The following PRDM15 variants were observed in gnomAD, a reference collection of about 807,000 sequenced individuals.
PRDM15 encodes the protein PR domain zinc finger protein 15.
In PRDM15, 64 loss-of-function variants were observed where a neutral mutation model predicts 128.6. The observed-to-expected ratio is 0.50, with a 90% CI of 0.41 to 0.61. The LOEUF (loss-of-function observed/expected upper bound fraction) is 0.61. PRDM15 is among the 20% of genes least tolerant of loss of function. The pLI is 0.00. For missense variants in PRDM15, 1,242 were observed against 1,569.1 expected (o/e 0.79, Z 3.52); for synonymous variants, 615 against 621.8 (o/e 0.99, Z 0.16).
chr21:41,819,420 C>T (rs1039338474), intron 18 of PRDM15, among the ~76,000 whole-genome samples, 162 bp downstream of exon 18: 4 of 151,644 alleles, frequency 2.6e-5, no homozygotes, highest in Admixed American at 2.0e-4. Context: ...GTGGCCCTGG[C>T]GCCTGTACCC....
intron 5 of PRDM15, among the ~76,000 whole-genome samples, chr21:41,848,051 G>A (rs2063322177): frequency 6.6e-6 from 1 of 152,218 alleles, no homozygotes; most frequent in South Asian, 2.1e-4. Flanking sequence ...AGCTCTGGGG[G>A]CTGGCCCAGG....
chr21:41,816,807 G>A (rs1000412750), intron 18 of PRDM15, among the ~76,000 whole-genome samples: 1 of 152,098 alleles, frequency 6.6e-6, no homozygotes, highest in African/African-American at 2.4e-5. Flanking sequence ...ACAACTCCTG[G>A]CCTCGGGTGG....
chr21:41,834,876 C>T (rs2062819189), intron 11 of PRDM15, among the ~76,000 whole-genome samples: 1 of 152,354 alleles, frequency 6.6e-6, no homozygotes, highest in East Asian at 1.9e-4. Context: ...CAGGCTGGTC[C>T]AGGCACACCC....
intron 1 of PRDM15, among the ~76,000 whole-genome samples, chr21:41,865,930 A>C (rs1358488232): frequency 6.6e-6 from 1 of 152,022 alleles, no homozygotes; most frequent in Non-Finnish European, 1.5e-5. Context: ...TTTTTTGTAG[A>C]GATTTGGTCT....
chr21:41,840,394 T>C (rs67804951), intron 6 of PRDM15, among the ~76,000 whole-genome samples: 25,842 of 143,956 alleles, frequency 0.18, 2,365 homozygotes, highest in East Asian at 0.25. Flanking sequence ...TGCAGTGAAC[T>C]GAGATAGCAC....
At chr21:41,806,817 A>T (rs2061691565) in intron 21 of PRDM15, among the ~76,000 whole-genome samples, 1 of 150,428 alleles carries the variant, frequency 6.6e-6, no homozygotes, top group East Asian at 2.0e-4. Context: ...CTCCATCACT[A>T]TCATTACCAT....
Position 41,821,747 on chromosome 21 carries a change from G to A in PRDM15, c.1896+156C>T, listed in dbSNP as rs1403838826. Among the ~76,000 whole-genome samples the A allele has an allele frequency of 6.6e-6, 1 of 152,234 alleles. No individual in the cohort carries two copies. The highest frequency in any genetic ancestry group is 1.5e-5 in the Non-Finnish European group (1 of 68,040). ...CTTCCCAGGCACAAGTGATGGACAG[G>A]CACCCAGTCTGCAGTAGGACCACTG... On this transcript the variant is annotated intron_variant, in intron 15 of 23. Transcript: ENST00000398548. This position sits in a 1 kb window ranked among gnomAD's most constrained non-coding sequence, Gnocchi z 5.4.
intron 19 of PRDM15, among the ~76,000 whole-genome samples, chr21:41,815,259 G>A (rs1361244538): frequency 2.0e-5 from 3 of 152,144 alleles, no homozygotes; most frequent in Non-Finnish European, 2.9e-5. Context: ...TCACCCGAGC[G>A]GACACCTTGC....
rs2063510051 is a variant in PRDM15, at chr21:41,854,216, C to T, written c.538+350G>A. Among the ~76,000 whole-genome samples, 3 of 152,184 alleles carry T rather than the reference C, an allele frequency of 2.0e-5. No homozygotes were observed. The highest frequency in any genetic ancestry group is 4.1e-4 in the South Asian group (2 of 4,832). On this transcript the variant is annotated intron_variant, in intron 5 of 23. Coordinates refer to ENST00000398548, the MANE Select transcript of PRDM15 (RefSeq NM_001040424.3). The surrounding 1 kb of genome is among the most constrained non-coding windows in gnomAD (Gnocchi z 4.6). ...GGTAGCTAGAACAGGCTACACCATA[C>T]AGCCTGGGTGTGTAGCAGGCCAGGC...
intron 4 of PRDM15, among the ~76,000 whole-genome samples, chr21:41,855,613 G>A (rs1169577840): frequency 6.6e-6 from 1 of 152,174 alleles, no homozygotes; most frequent in East Asian, 1.9e-4. Context: ...CCAGCTGGCG[G>A]CACGCTCTCT....
chr21:41,852,257 C>T (rs187595715), intron 5 of PRDM15, among the ~76,000 whole-genome samples: 56 of 152,278 alleles, frequency 3.7e-4, no homozygotes, highest in Non-Finnish European at 6.8e-4. Flanking sequence ...AGGGGGTAAA[C>T]GGCCAAGGCC....
chr21:41,817,480 T>C (rs549867254), intron 18 of PRDM15, among the ~76,000 whole-genome samples: 2 of 152,216 alleles, frequency 1.3e-5, no homozygotes, highest in Non-Finnish European at 2.9e-5. Flanking sequence ...TCCCTGACAC[T>C]GACTAATTCC....
At chr21:41,847,890 G>A (rs910790869) in intron 5 of PRDM15, among the ~76,000 whole-genome samples, 1 of 152,244 alleles carries the variant, frequency 6.6e-6, no homozygotes, top group Non-Finnish European at 1.5e-5. Context: ...GGGGGTACAT[G>A]GCATGCGGTG....
intron 1 of PRDM15, among the ~76,000 whole-genome samples, chr21:41,876,149 T>C (rs1190815940): frequency 2.0e-5 from 3 of 152,224 alleles, no homozygotes; most frequent in African/African-American, 4.8e-5. Flanking sequence ...CATTGAACCA[T>C]ATCTCCTTTT....
chr21:41,800,311 G>A lies in PRDM15; in HGVS notation c.*929C>T, dbSNP rs1033964152. On this transcript the variant is annotated 3_prime_UTR_variant, in exon 24 of 24. Coordinates refer to ENST00000398548, the MANE Select transcript of PRDM15 (RefSeq NM_001040424.3). ...GCAGAGAATCCTGAGACAACCCGGA[G>A]GAGCCCCTGGGGGCAGCAGGGAGGC... 1 of 152,344 alleles carries A rather than the reference G, an allele frequency of 6.6e-6. No individual in the cohort carries two copies. Among genetic ancestry groups the A allele is most frequent in the East Asian group, 1.9e-4 (1 of 5,198 alleles). 9.4% of individuals were successfully genotyped at this position (152,344 alleles called of 1,614,324 possible).
In PRDM15 at chr21:41,832,915, C is replaced by T. The variant is rs1408213097; in HGVS notation, c.1366+2522G>A. On this transcript the variant is annotated intron_variant, in intron 11 of 23. Coordinates refer to ENST00000398548, the MANE Select transcript of PRDM15 (RefSeq NM_001040424.3). This position sits in a 1 kb window ranked among gnomAD's most constrained non-coding sequence, Gnocchi z 4.2. ...CTCTGCCAAGCCGAGGGTGGCTTCT[C>T]CCGCAGCCACCCACTCACTGCCAGT... 2.6e-5 allele frequency among the ~76,000 whole-genome samples: 4 copies of T among 152,200 alleles called. No individual in the cohort carries two copies. Among genetic ancestry groups the T allele is most frequent in the Non-Finnish European group, 5.9e-5 (4 of 68,034 alleles).
chr21:41,826,324 T>G (rs2062470408), intron 12 of PRDM15, among the ~76,000 whole-genome samples: 1 of 152,214 alleles, frequency 6.6e-6, no homozygotes, highest in Admixed American at 6.5e-5. Flanking sequence ...CTGAAACATT[T>G]GGAAATATAA....
In PRDM15 at chr21:41,862,850, G is replaced by GA. The variant is rs1350314440; in HGVS notation, c.-9-2479dup. Among the ~76,000 whole-genome samples the GA allele has an allele frequency of 2.0e-5, 3 of 152,220 alleles. No homozygotes were observed. Among genetic ancestry groups the GA allele is most frequent in the East Asian group, 3.9e-4 (2 of 5,172 alleles). ...GGCACACAGGAAGTACTGTTTCAGG[G>GA]AAAAGGAGAGGAAAAAAGAACTAGA... On this transcript the variant is annotated intron_variant, in intron 1 of 23. Coordinates refer to ENST00000398548, the MANE Select transcript of PRDM15 (RefSeq NM_001040424.3). This position sits in a 1 kb window ranked among gnomAD's most constrained non-coding sequence, Gnocchi z 4.1.
intron 5 of PRDM15, among the ~76,000 whole-genome samples, chr21:41,848,725 C>G (rs1004166787): frequency 2.0e-5 from 3 of 152,312 alleles, no homozygotes; most frequent in Admixed American, 1.3e-4. Flanking sequence ...AATAAGCCTC[C>G]ACACCCCCAC....
Sources: gnomAD v4.1 joint callset for allele counts (sites outside exome capture counted in the v4.1 genomes callset) on GRCh38, gnomAD v4.1.1 for gene constraint, Gnocchi (gnomAD v3.1) non-coding constraint, MANE v1.5 for transcripts, NCBI Gene and HGNC (gene_info 2026-07-23, HGNC 2026-07-21) for gene names.